The following AMACR variants were observed in gnomAD, a reference collection of about 807,000 sequenced individuals.
AMACR encodes the protein 2-methylacyl-CoA racemase.
AMACR carries 18 observed loss-of-function variants against 22.2 expected under a neutral mutation model. That is an observed-to-expected ratio of 0.81 (90% CI 0.56 to 1.20). The LOEUF is 1.20. AMACR is among the 50% of genes most tolerant of loss of function. The pLI is 0.00. For synonymous variants in AMACR, 213 were observed against 191.3 expected (o/e 1.11, Z -0.94); for missense variants, 499 against 490.6 (o/e 1.02, Z -0.16).
At chr5:34,000,600 C>T (rs1247239571) in intron 3 of AMACR, among the ~76,000 whole-genome samples, 1 of 151,926 alleles carries the variant, frequency 6.6e-6, no homozygotes, top group Admixed American at 6.6e-5. Flanking sequence ...AAGGTTCAAG[C>T]GATTCTCCTG....
intron 4 of AMACR, among the ~76,000 whole-genome samples, chr5:33,990,580 C>T (rs1298249501): frequency 2.6e-5 from 4 of 152,146 alleles, no homozygotes; most frequent in East Asian, 1.9e-4. Context: ...CCCATATAAG[C>T]GGGCTTTTAA....
chr5:33,999,979 TTA>T (rs1262427158), intron 3 of AMACR, among the ~76,000 whole-genome samples: 1 of 152,212 alleles, frequency 6.6e-6, no homozygotes, highest in African/African-American at 2.4e-5. Flanking sequence ...TAAATATATT[TTA>T]TGTTTATGTT....
At chr5:34,007,236 G>C (rs578045511) in intron 1 of AMACR, among the ~76,000 whole-genome samples, 1 of 152,336 alleles carries the variant, frequency 6.6e-6, no homozygotes, top group East Asian at 1.9e-4. Flanking sequence ...CTCTGAAAGG[G>C]GGAAGTCTAC....
chr5:33,991,972 A>G (rs1753491074), intron 4 of AMACR, among the ~76,000 whole-genome samples: 1 of 152,072 alleles, frequency 6.6e-6, no homozygotes, highest in African/African-American at 2.4e-5. Flanking sequence ...TCCACCTCCC[A>G]GGTTCAAGAG....
At position 33,998,657 on chromosome 5, in the gene AMACR, G is replaced by C; in HGVS notation, c.723C>G (p.Tyr241Ter). 6.2e-7 allele frequency: 1 copy of C among 1,609,534 alleles called. No individual in the cohort carries two copies. ...MAVGAIEPQF[Y>*]ELLIKGLGLK... ...TTCACTTACCTTTGATCAGCAGCTC[G>C]TAGAACTGGGGTTCTATTGCTCCAA... Residue 241 changes from tyrosine to a stop codon, truncating the protein, a stop_gained, in exon 4 of 5, where the codon TAC (tyrosine) becomes TAG (stop). Coordinates refer to ENST00000335606, the MANE Select transcript of AMACR (RefSeq NM_014324.6). LOFTEE classifies it low-confidence loss of function (END_TRUNC).
intron 4 of AMACR, chr5:33,997,778 T>C: frequency 2.0e-6 from 1 of 494,402 alleles, no homozygotes. Flanking sequence ...TGTTTAATCA[T>C]AAAATGCTCT....
At chr5:33,999,765 C>G (rs1196523276) in intron 3 of AMACR, among the ~76,000 whole-genome samples, 1 of 152,168 alleles carries the variant, frequency 6.6e-6, no homozygotes, top group Admixed American at 6.5e-5. Flanking sequence ...TTGGATATAT[C>G]CAATTTTCCC....
At chr5:34,004,833 G>A (rs186210578) in intron 2 of AMACR, 99 bp from the exon 3 acceptor site, 3 of 1,386,290 alleles carry the variant, frequency 2.2e-6, no homozygotes, top group Non-Finnish European at 3.0e-6. Context: ...CTCTCCAGCA[G>A]ATAATCTAAG....
chr5:33,996,925 T>C (rs1378704892), intron 4 of AMACR: 2 of 428,464 alleles, frequency 4.7e-6, no homozygotes, highest in Non-Finnish European at 8.3e-6. Context: ...ACAGCAACAA[T>C]AACAAGCCCA....
intron 3 of AMACR, among the ~76,000 whole-genome samples, chr5:34,002,595 G>A (rs954871012): frequency 5.3e-5 from 8 of 152,008 alleles, no homozygotes; most frequent in Admixed American, 1.3e-4. Flanking sequence ...ACCCTTTCCC[G>A]TCATCTGCTT....
At chr5:33,992,424 A>G (rs7721230) in intron 4 of AMACR, among the ~76,000 whole-genome samples, 73,256 of 150,922 alleles carry the variant, frequency 0.49, 19,713 homozygotes, top group Non-Finnish European at 0.61. Flanking sequence ...ACAGAAAATA[A>G]TTGCTGGGTG....
chr5:33,988,651 G>A lies in AMACR; in HGVS notation c.*442C>T. ...TCATGAACACCAAGACAAAAGGCCTGGATGCAACCAATCACTCTGTTTCAC... is the reference window on the plus strand; with the variant it reads ...TCATGAACACCAAGACAAAAGGCCTAGATGCAACCAATCACTCTGTTTCAC... On this transcript the variant is annotated 3_prime_UTR_variant, in exon 5 of 5. Coordinates refer to ENST00000335606, the MANE Select transcript of AMACR (RefSeq NM_014324.6). 1.6e-6 allele frequency: 2 copies of A among 1,249,728 alleles called. No individual in the cohort carries two copies. Among genetic ancestry groups the A allele is most frequent in the Non-Finnish European group, 2.0e-6 (2 of 994,750 alleles). 77.4% of individuals were successfully genotyped at this position (1,249,728 alleles called of 1,614,324 possible).
intron 4 of AMACR, among the ~76,000 whole-genome samples, chr5:33,992,743 T>G (rs1370019768): frequency 3.3e-5 from 5 of 152,166 alleles, no homozygotes; most frequent in Non-Finnish European, 7.3e-5. Flanking sequence ...AATTGTGCAT[T>G]TGTATGTGTA....
Position 34,007,757 on chromosome 5 carries a change from CG to C in AMACR, c.247+15del. On this transcript the variant is annotated intron_variant, in intron 1 of 4. Transcript: ENST00000335606. ...GCGGGAACTTCCCGAGAGCAGCCCG[CG>C]GGGCCCGGGCTCACCGCGGCGGAAG... 1.3e-6 allele frequency: 2 copies of C among 1,539,170 alleles called. No homozygotes were observed. Among genetic ancestry groups the C allele is most frequent in the Non-Finnish European group, 1.7e-6 (2 of 1,148,608 alleles).
intron 4 of AMACR, among the ~76,000 whole-genome samples, chr5:33,991,981 A>C (rs1753491516): frequency 6.6e-6 from 1 of 151,978 alleles, no homozygotes; most frequent in South Asian, 2.1e-4. Flanking sequence ...CAGGTTCAAG[A>C]GATTCTCCTG....
chr5:34,001,718 A>G (rs1488253247), intron 3 of AMACR, among the ~76,000 whole-genome samples: 1 of 152,196 alleles, frequency 6.6e-6, no homozygotes, highest in Non-Finnish European at 1.5e-5. Context: ...GCACTACAAT[A>G]AGGCAGCCTC....
At position 33,989,457 on chromosome 5, in the gene AMACR, T is replaced by A. The variant is rs141025802; in HGVS notation, c.785A>T (p.Asp262Val). The A allele has an allele frequency of 1.2e-6, 2 of 1,614,080 alleles. No homozygotes were observed. Among genetic ancestry groups the A allele is most frequent in the Non-Finnish European group, 1.7e-6 (2 of 1,180,034 alleles). The stretch of plus-strand genomic sequence containing the variant: ...CTTCTTCTTCATTTCTGGCCAATCA[T>A]CCATGCTCATCTGATTGGGAAGTTC... ...SDELPNQMSM[D>V]DWPEMKKKFA... Residue 262 changes from aspartate to valine, a missense_variant, in exon 5 of 5, where the codon GAT becomes GTT. Transcript: ENST00000335606.
Position 33,992,913 on chromosome 5 carries a change from A to G in AMACR, c.740-3411T>C, listed in dbSNP as rs184789967. The stretch of plus-strand genomic sequence containing the variant: ...TCATTTTTGAAAATTGTGGTAAAAT[A>G]TACATAAAGTTTACCATTTCAGCCA... On this transcript the variant is annotated intron_variant, in intron 4 of 4. Transcript: ENST00000335606. 4.6e-5 allele frequency among the ~76,000 whole-genome samples: 7 copies of G among 152,256 alleles called. No homozygotes were observed. In the East Asian group the frequency reaches 1.4e-3, roughly 29 times the overall value.
In AMACR at chr5:33,988,379, A is replaced by G. The variant is rs143877467; in HGVS notation, c.*714T>C. On this transcript the variant is annotated 3_prime_UTR_variant, in exon 5 of 5. Coordinates refer to ENST00000335606, the MANE Select transcript of AMACR (RefSeq NM_014324.6). ...CTACCAGCCTGAGGAGAAATCAAAC[A>G]CATGGAGAAAGGAAAGCTGACAGCC... 1.2e-3 allele frequency: 1,876 copies of G among 1,538,706 alleles called. 3 individuals carry two copies. Among genetic ancestry groups the G allele is most frequent in the Non-Finnish European group, 1.6e-3 (1,817 of 1,147,636 alleles).
Sources: allele counts gnomAD v4.1 joint callset (sites outside exome capture counted in the v4.1 genomes callset), GRCh38; gene constraint gnomAD v4.1.1; transcripts MANE v1.5; gene names NCBI Gene and HGNC (gene_info 2026-07-23, HGNC 2026-07-21).